The following PCDHA5 variants were observed in gnomAD, a reference collection of about 807,000 sequenced individuals.
The protein encoded by PCDHA5 is protocadherin alpha 5, also known as protocadherin alpha-5.
In PCDHA5, 43 loss-of-function variants were observed where a neutral mutation model predicts 61.6. The observed-to-expected ratio is 0.70, with a 90% CI of 0.55 to 0.90. The LOEUF (loss-of-function observed/expected upper bound fraction) is 0.90. Among genes scored for constraint, PCDHA5 ranks in the 40% least tolerant of loss-of-function variants. The pLI is 0.00. For synonymous variants in PCDHA5, 627 were observed against 543.9 expected (o/e 1.15, Z -2.13); for missense variants, 1,298 against 1,222.7 (o/e 1.06, Z -0.92).
rs2150327556 is a variant in PCDHA5, at chr5:140,842,022, A to G, written c.2352+17895A>G. On this transcript the variant is annotated intron_variant, in intron 1 of 3. Transcript: ENST00000529859. Reference sequence around the variant, plus strand: ...GTTCAGCTGCTGGTCACAGTGCTGGATGTGAATGATAATGCTCCCACTTTC... The same window carrying G: ...GTTCAGCTGCTGGTCACAGTGCTGGGTGTGAATGATAATGCTCCCACTTTC... 11 of 1,613,848 alleles carry G rather than the reference A, an allele frequency of 6.8e-6. No homozygotes were observed. The highest frequency in any genetic ancestry group is 3.3e-5 in the Admixed American group (2 of 60,004).
At chr5:140,969,601 T>C (rs2096345611) in intron 1 of PCDHA5, 1 of 772,836 alleles carries the variant, frequency 1.3e-6, no homozygotes, top group African/African-American at 1.8e-5. Flanking sequence ...TATTTAATGC[T>C]AAAACACAGA....
chr5:140,874,534 CA>C (rs782798422), intron 1 of PCDHA5, among the ~76,000 whole-genome samples: 5 of 152,202 alleles, frequency 3.3e-5, no homozygotes, highest in Non-Finnish European at 5.9e-5. Flanking sequence ...GATTAGGCTC[CA>C]AAACCCTTTA....
intron 3 of PCDHA5, among the ~76,000 whole-genome samples, chr5:140,993,418 C>A (rs59434300): frequency 6.6e-5 from 10 of 151,302 alleles, no homozygotes; most frequent in Non-Finnish European, 1.5e-4. Context: ...ATCAGCATTT[C>A]TCTTTTAAAA....
intron 1 of PCDHA5, chr5:140,876,174 T>A: frequency 6.2e-7 from 1 of 1,613,934 alleles, no homozygotes; most frequent in Non-Finnish European, 8.5e-7. Context: ...CCGTCCTGGA[T>A]GTGAATGACA....
chr5:140,884,504 GGGAGTT>G, intron 1 of PCDHA5: 1 of 1,614,180 alleles, frequency 6.2e-7, no homozygotes, highest in Non-Finnish European at 8.5e-7. Context: ...CAGCGCGGCA[GGGAGTT>G]GGTCGTACTC....
At chr5:140,916,252 G>A (rs2077495466) in intron 1 of PCDHA5, among the ~76,000 whole-genome samples, 1 of 152,176 alleles carries the variant, frequency 6.6e-6, no homozygotes, top group Admixed American at 6.5e-5. Flanking sequence ...TGGACTTGGG[G>A]ACCCCAAGAG....
chr5:140,832,831 C>T (rs2150204521), intron 1 of PCDHA5, among the ~76,000 whole-genome samples: 27 of 152,028 alleles, frequency 1.8e-4, no homozygotes, highest in Non-Finnish European at 3.5e-4. Context: ...TGCCTTTTTC[C>T]CTTGTTGAAG....
At chr5:140,862,473 A>G in intron 1 of PCDHA5, 1 of 377,242 alleles carries the variant, frequency 2.7e-6, no homozygotes. Flanking sequence ...GAGCAAATCT[A>G]TCCATTGTTG....
intron 1 of PCDHA5, among the ~76,000 whole-genome samples, chr5:140,924,841 G>C (rs891279703): frequency 1.1e-4 from 17 of 151,378 alleles, no homozygotes; most frequent in South Asian, 2.1e-4. Context: ...GTTGCAGGGA[G>C]CTCAGATCGT....
intron 1 of PCDHA5, among the ~76,000 whole-genome samples, chr5:140,899,982 A>T (rs185115696): frequency 3.3e-4 from 49 of 150,716 alleles, no homozygotes; most frequent in African/African-American, 1.1e-3. Flanking sequence ...TACTTTTTTG[A>T]TTTTTTTTGT....
rs782354452 is a variant in PCDHA5, at chr5:140,966,783, C to G, written c.2353-12166C>G. 28 of 1,520,948 alleles carry G rather than the reference C, an allele frequency of 1.8e-5. No homozygotes were observed. The highest frequency in any genetic ancestry group is 2.1e-4 in the Middle Eastern group (1 of 4,706). The allele number at this position is 1,520,948 out of a possible 1,614,324, so 94.2% of individuals were successfully genotyped here. On this transcript the variant is annotated intron_variant, in intron 1 of 3. Transcript: ENST00000529859. ...CCAGTGGCTATGGAGCAGGCGGGCA[C>G]CAGACCTGCGGCGACAGAGCATCCA...
chr5:140,943,359 G>T (rs1374185019), intron 1 of PCDHA5, among the ~76,000 whole-genome samples: 2 of 151,772 alleles, frequency 1.3e-5, no homozygotes, highest in Non-Finnish European at 2.9e-5. Flanking sequence ...TAGAGGAAAG[G>T]AGATCATTAA....
rs2150114165 is a variant in PCDHA5 at position 140,822,157 on chromosome 5, A to G, written c.382A>G (p.Asn128Asp). 1 of 1,614,258 alleles carries G rather than the reference A, an allele frequency of 6.2e-7. No individual in the cohort carries two copies. Among genetic ancestry groups the G allele is most frequent in the Non-Finnish European group, 8.5e-7 (1 of 1,180,048 alleles). The change falls in exon 1 of 4, where the codon AAT becomes GAT. Residue 128 changes from asparagine (N) to aspartate (D), a missense_variant. Transcript: ENST00000529859. Reference protein sequence around the residue: ...VEVAVKDINDNPPRFSRQEQR... With the variant: ...VEVAVKDINDDPPRFSRQEQR... ...GGTGGCAGTGAAGGACATCAATGAC[A>G]ATCCGCCCAGGTTCTCCAGACAAGA...
rs2150482773 is a variant in PCDHA5, at chr5:140,850,408, A to G, written c.2352+26281A>G. The G allele has an allele frequency of 6.3e-6, 10 of 1,597,776 alleles. 1 individual carries two copies. The South Asian group carries it at 9.9e-5, about 16-fold the overall frequency. ...GAGATCAGCACAACGCGTGCCCTGG[A>G]CGAAACGGACGCACCGCGCCAGCGC... On this transcript the variant is annotated intron_variant, in intron 1 of 3. Coordinates refer to ENST00000529859, the MANE Select transcript of PCDHA5 (RefSeq NM_018908.3).
intron 3 of PCDHA5, among the ~76,000 whole-genome samples, chr5:140,985,909 T>C (rs1421545707): frequency 6.6e-6 from 1 of 151,912 alleles, no homozygotes; most frequent in Non-Finnish European, 1.5e-5. Flanking sequence ...CCGTCTAATT[T>C]TTTGTATTTT....
At chr5:140,973,398 C>G (rs2096585734) in intron 1 of PCDHA5, among the ~76,000 whole-genome samples, 1 of 152,230 alleles carries the variant, frequency 6.6e-6, no homozygotes, top group East Asian at 1.9e-4. Flanking sequence ...GAAATCATAT[C>G]TATGAGCTTC....
intron 1 of PCDHA5, among the ~76,000 whole-genome samples, chr5:140,907,643 A>C (rs2073513749): frequency 6.6e-6 from 1 of 152,208 alleles, no homozygotes; most frequent in African/African-American, 2.4e-5. Flanking sequence ...GCTGCTGGCA[A>C]ATTGGGCACT....
At chr5:140,869,733 G>A (rs2051364392) in intron 1 of PCDHA5, 1 of 1,613,178 alleles carries the variant, frequency 6.2e-7, no homozygotes, top group Non-Finnish European at 8.5e-7. Context: ...AACTTAATTT[G>A]CTGCTAACAG....
At chr5:140,911,057 TG>T (rs1554194586) in intron 1 of PCDHA5, among the ~76,000 whole-genome samples, 1 of 151,474 alleles carries the variant, frequency 6.6e-6, no homozygotes, top group Non-Finnish European at 1.5e-5. Context: ...TGGTGGGGGG[TG>T]GGTCCTGAGG....
Sources: allele counts gnomAD v4.1 joint callset (sites outside exome capture counted in the v4.1 genomes callset), GRCh38; gene constraint gnomAD v4.1.1; transcripts MANE v1.5; gene names NCBI Gene and HGNC (gene_info 2026-07-23, HGNC 2026-07-21).